Variants in PEX6 observed in about 807,000 individuals in gnomAD.
The protein encoded by PEX6 is peroxisomal biogenesis factor 6.
In PEX6, 55 loss-of-function variants were observed where a neutral mutation model predicts 85.6. That is an observed-to-expected ratio of 0.64 (90% CI 0.52 to 0.80). The LOEUF (loss-of-function observed/expected upper bound fraction) is 0.80, where lower values mean the gene tolerates loss of function less well. PEX6 is among the 30% of genes least tolerant of loss of function. The pLI, the probability that PEX6 is intolerant of heterozygous loss-of-function variation, is 0.00. For synonymous variants in PEX6, 519 were observed against 549.1 expected, an observed-to-expected ratio of 0.95 and a Z score of 0.77; for missense variants, 1,099 against 1,260.3, an observed-to-expected ratio of 0.87 and a Z score of 1.94.
rs372998833 is a variant in PEX6, at chr6:42,968,298, G to A, written c.1680C>T (p.Pro560=). The A allele has an allele frequency of 9.1e-5, 147 of 1,613,490 alleles. 1 individual carries two copies. In the East Asian group the frequency reaches 3.0e-3, roughly 33 times the overall value. Residue 560 remains proline (P), a synonymous_variant, in exon 7 of 17, where the codon CCC becomes CCT. Transcript: ENST00000304611. ...VLRHLLLNED[P]LNSCPPLMVV... is the part of the protein sequence containing the mutation. ...CAGCTCTGTATAAGTACCTGTTGAG[G>A]GGGTCCTCATTGAGGAGGAGGTGAC...
At position 42,964,532 on chromosome 6, in the gene PEX6, G is replaced by A; in HGVS notation, c.2807-61C>T. The A allele has an allele frequency of 6.3e-7, 1 of 1,597,742 alleles. No homozygotes were observed. Among genetic ancestry groups the A allele is most frequent in the East Asian group, 2.2e-5 (1 of 44,826 alleles). On this transcript the variant is annotated intron_variant, in intron 16 of 16. Coordinates refer to ENST00000304611, the MANE Select transcript of PEX6 (RefSeq NM_000287.4). This position sits in a 1 kb window ranked among gnomAD's most constrained non-coding sequence, Gnocchi z 4.6. The stretch of plus-strand genomic sequence containing the variant: ...CCCAGGCAGGGGAGAGCCCTGCGAA[G>A]GTGGCTTCCTGCTCAGGGTCTCCTA...
chr6:42,969,665 C>T lies in PEX6; in HGVS notation c.1367+3G>A. 6.2e-7 allele frequency: 1 copy of T among 1,612,578 alleles called. No homozygotes were observed. The highest frequency in any genetic ancestry group is 8.5e-7 in the Non-Finnish European group (1 of 1,179,998). The stretch of plus-strand genomic sequence containing the variant: ...CACACCCTGGGGTGATGACCTCACT[C>T]ACCCTGGCTGGAGGCGAGGCTTCAG... On this transcript the variant is annotated splice_donor_region_variant and intron_variant, in intron 5 of 16. Coordinates refer to ENST00000304611, the MANE Select transcript of PEX6 (RefSeq NM_000287.4).
chr6:42,977,202 C>T lies in PEX6; in HGVS notation c.882+1067G>A, dbSNP rs114845138. 6.6e-3 allele frequency among the ~76,000 whole-genome samples: 974 copies of T among 148,260 alleles called. 9 individuals are homozygous for T. Among genetic ancestry groups the T allele is most frequent in the African/African-American group, 0.022 (899 of 40,414 alleles). On this transcript the variant is annotated intron_variant, in intron 1 of 16. Coordinates refer to ENST00000304611, the MANE Select transcript of PEX6 (RefSeq NM_000287.4). ...CAATACTGAATACATTGTAGCAATT[C>T]AATAAACTAATTAGATTGAGTAGAT...
Position 42,964,615 on chromosome 6 carries a change from T to A in PEX6, c.2807-144A>T. The A allele has an allele frequency of 1.5e-6, 2 of 1,322,088 alleles. No homozygotes were observed. The highest frequency in any genetic ancestry group is 2.4e-5 in the East Asian group (1 of 42,350). The allele number at this position is 1,322,088 out of a possible 1,614,324, so 81.9% of individuals were successfully genotyped here. On this transcript the variant is annotated intron_variant, in intron 16 of 16. Transcript: ENST00000304611. The surrounding 1 kb of genome is among the most constrained non-coding windows in gnomAD (Gnocchi z 4.6). ...CTAGGTTTGTCTCCCACTAGTTTTTTTTTTCCCTTAAACATTTTTTTTAGA... is the reference window on the plus strand; with the variant it reads ...CTAGGTTTGTCTCCCACTAGTTTTTATTTTCCCTTAAACATTTTTTTTAGA...
At position 42,966,844 on chromosome 6, in the gene PEX6, C is replaced by T. The variant is rs767279536; in HGVS notation, c.1899G>A (p.Gly633=). 1 of 1,613,168 alleles carries T rather than the reference C, an allele frequency of 6.2e-7. No homozygotes were observed. Among genetic ancestry groups the T allele is most frequent in the South Asian group, 1.1e-5 (1 of 91,080 alleles). ...TGTGGGTCAGAAGGGCATAGAGATC[C>T]CCTACCACAAAGCCCTAGGGAACCA... ...LARRCAGFVV[G]DLYALLTHSS... Residue 633 remains glycine (G), a synonymous_variant, in exon 9 of 17, where the codon GGG becomes GGA. Coordinates refer to ENST00000304611, the MANE Select transcript of PEX6 (RefSeq NM_000287.4).
At chr6:42,974,176 C>A in intron 2 of PEX6, 90 bp from the exon 3 acceptor site, 3 of 956,254 alleles carry the variant, frequency 3.1e-6, no homozygotes, top group Non-Finnish European at 5.1e-6. Context: ...ATGCAGACTA[C>A]TTCTTGAGTC....
chr6:42,964,165 C>G lies in PEX6; in HGVS notation c.*170G>C. ...AAGTAGGCAGGAGATATCTCTTGAG[C>G]TGTTGCTGCTGTCTCAATGCCACTT... On this transcript the variant is annotated 3_prime_UTR_variant, in exon 17 of 17. Transcript: ENST00000304611. This position sits in a 1 kb window ranked among gnomAD's most constrained non-coding sequence, Gnocchi z 4.6. The G allele has an allele frequency of 1.5e-6, 1 of 676,280 alleles. No individual in the cohort carries two copies. Among genetic ancestry groups the G allele is most frequent in the Non-Finnish European group, 2.6e-6 (1 of 389,438 alleles). 41.9% of individuals were successfully genotyped at this position (676,280 alleles called of 1,614,324 possible).
Position 42,966,621 on chromosome 6 carries a change from C to G in PEX6, c.1998G>C (p.Glu666Asp), listed in dbSNP as rs1318413801. ...GGAGAGGAAAGCCGGCAGCACACAGCTCCCCCTCATCCTCCTCAGTCAAGC... is the reference window on the plus strand; with the variant it reads ...GGAGAGGAAAGCCGGCAGCACACAGGTCCCCCTCATCCTCCTCAGTCAAGC... ...AGGLTEEDEG[E>D]LCAAGFPLLA... The change falls in exon 10 of 17, where the codon GAG (glutamate) becomes GAC (aspartate). Residue 666 changes from glutamate to aspartate, a missense_variant. Transcript: ENST00000304611. The G allele has an allele frequency of 6.2e-7, 1 of 1,614,192 alleles. No individual in the cohort carries two copies. Among genetic ancestry groups the G allele is most frequent in the Admixed American group, 1.7e-5 (1 of 60,020 alleles).
intron 2 of PEX6, among the ~76,000 whole-genome samples, chr6:42,974,401 C>T (rs1021900925): frequency 6.6e-5 from 10 of 151,062 alleles, no homozygotes; most frequent in African/African-American, 2.4e-4. Flanking sequence ...CTGTGGTCTC[C>T]CTGATATACC....
At chr6:42,973,770 G>A (rs1219896983) in intron 3 of PEX6, among the ~76,000 whole-genome samples, 1 of 152,134 alleles carries the variant, frequency 6.6e-6, no homozygotes, top group Non-Finnish European at 1.5e-5. Flanking sequence ...GTGCTGAGGT[G>A]GGAGGATCAC....
chr6:42,973,940 G>C (rs1770160956), intron 3 of PEX6, 63 bp downstream of exon 3: 2 of 1,081,750 alleles, frequency 1.8e-6, no homozygotes, highest in Non-Finnish European at 1.4e-6. Flanking sequence ...GCAGGGAGGG[G>C]ATTGTAGAAC....
At chr6:42,973,737 T>A in intron 3 of PEX6, among the ~76,000 whole-genome samples, 1 of 152,108 alleles carries the variant, frequency 6.6e-6, no homozygotes, top group East Asian at 1.9e-4. Context: ...GAACCTGTAG[T>A]CCCAGCTACT....
In PEX6 at chr6:42,978,411, G is replaced by C. The variant is rs199697021; in HGVS notation, c.740C>G (p.Pro247Arg). 1.1e-4 allele frequency: 177 copies of C among 1,614,098 alleles called. No individual in the cohort carries two copies. Among genetic ancestry groups the C allele is most frequent in the Non-Finnish European group, 1.4e-4 (171 of 1,180,062 alleles). The change falls in exon 1 of 17, where the codon CCT becomes CGT. Residue 247 changes from proline to arginine, a missense_variant. Pro to Arg is a moderately radical substitution (Grantham distance 103, BLOSUM62 -2). Coordinates refer to ENST00000304611, the MANE Select transcript of PEX6 (RefSeq NM_000287.4). ...CAGTCTATCAGAGAGGTCCCAGCGA[G>C]GTTCTAGGACCTGCACCCTAGCCAA... ...PHLARVQVLE[P>R]RWDLSDRLGP...
At position 42,978,978 on chromosome 6, in the gene PEX6, TC is replaced by T; in HGVS notation, c.172del (p.Glu58ArgfsTer46). The T allele has an allele frequency of 6.6e-7, 1 of 1,510,324 alleles. No individual in the cohort carries two copies. Among genetic ancestry groups the T allele is most frequent in the Non-Finnish European group, 8.8e-7 (1 of 1,137,012 alleles). 93.6% of individuals were successfully genotyped at this position (1,510,324 alleles called of 1,614,324 possible). On this transcript the variant is annotated frameshift_variant, in exon 1 of 17. Coordinates refer to ENST00000304611, the MANE Select transcript of PEX6 (RefSeq NM_000287.4). LOFTEE classifies it high-confidence loss of function. ...AGPALLVAAL[E>X]GPDAGTEEQG... ...CTCTTCGGTGCCCGCGTCCGGCCCC[TC>T]CAGGGCTGCCACCAGCAGCGCCGGC...
At chr6:42,975,135 T>G in intron 1 of PEX6, 97 bp from the exon 2 acceptor site, 1 of 1,065,680 alleles carries the variant, frequency 9.4e-7, no homozygotes, top group Non-Finnish European at 1.5e-6. Context: ...CATCCTGTCT[T>G]TCCCATAACC....
At chr6:42,974,489 GCT>G (rs1363672555) in intron 2 of PEX6, among the ~76,000 whole-genome samples, 1 of 119,022 alleles carries the variant, frequency 8.4e-6, no homozygotes, top group African/African-American at 3.2e-5. Flanking sequence ...ACGGAGTCTC[GCT>G]CTGTCGCCCA....
At position 42,968,308 on chromosome 6, in the gene PEX6, T is replaced by C. The variant is rs138621982; in HGVS notation, c.1670A>G (p.Asn557Ser). Residue 557 changes from asparagine (N) to serine (S), a missense_variant, in exon 7 of 17, where the codon AAT becomes AGT. This residue lies in a region of PEX6 where 514 missense variants were observed against 627.0 expected (regional missense o/e 0.82). Transcript: ENST00000304611. ...VMAVLRHLLL[N>S]EDPLNSCPPL... Reference sequence around the variant, plus strand: ...TAAGTACCTGTTGAGGGGGTCCTCATTGAGGAGGAGGTGACGCAGCACAGC... The same window carrying C: ...TAAGTACCTGTTGAGGGGGTCCTCACTGAGGAGGAGGTGACGCAGCACAGC... The C allele has an allele frequency of 6.0e-5, 97 of 1,613,860 alleles. No homozygotes were observed. Among genetic ancestry groups the C allele is most frequent in the African/African-American group, 5.3e-4 (40 of 75,008 alleles).
intron 2 of PEX6, among the ~76,000 whole-genome samples, chr6:42,974,442 G>GTTTTTGTTTTTTTTTT (rs1561827292): frequency 1.7e-5 from 2 of 115,946 alleles, no homozygotes; most frequent in African/African-American, 3.4e-5. Context: ...TGTCTGAAAT[G>GTTTTTGTTTTTTTTTT]TTTTTTTTGT....
Position 42,963,965 on chromosome 6 carries a change from A to G in PEX6, c.*370T>C, listed in dbSNP as rs1581755536. 1 of 455,444 alleles carries G rather than the reference A, an allele frequency of 2.2e-6. No individual in the cohort carries two copies. The highest frequency in any genetic ancestry group is 4.2e-5 in the East Asian group (1 of 23,536). The allele number at this position is 455,444 out of a possible 1,614,324, so 28.2% of individuals were successfully genotyped here. On this transcript the variant is annotated 3_prime_UTR_variant, in exon 17 of 17. Transcript: ENST00000304611. Reference sequence around the variant, plus strand: ...TCTCCCAGGGCTTACTCCTCCCACAACCCTGCTCTTTCTCACTCCAACCTT... The same window carrying G: ...TCTCCCAGGGCTTACTCCTCCCACAGCCCTGCTCTTTCTCACTCCAACCTT...
Sources: gnomAD v4.1 joint callset for allele counts (sites outside exome capture counted in the v4.1 genomes callset) on GRCh38, gnomAD v4.1.1 for gene constraint, gnomAD v4.1.1 regional missense constraint, Gnocchi (gnomAD v3.1) non-coding constraint, MANE v1.5 for transcripts, NCBI Gene and HGNC (gene_info 2026-07-23, HGNC 2026-07-21) for gene names.